Variants in DST observed in about 807,000 individuals in gnomAD.
DST encodes the protein bullous pemphigoid antigen.
DST carries 253 observed loss-of-function variants against 875.2 expected under a neutral mutation model. The ratio of observed to expected loss-of-function variants is 0.29; its 90% CI spans 0.26 to 0.32. The LOEUF is 0.32. DST is among the 10% of genes least tolerant of loss of function. The pLI is 1.00. For missense variants in DST, 8,287 were observed against 9,111.6 expected, an observed-to-expected ratio of 0.91 and a Z score of 3.68; for synonymous variants, 3,124 against 3,197.1, an observed-to-expected ratio of 0.98 and a Z score of 0.77.
intron 4 of DST, among the ~76,000 whole-genome samples, chr6:56,778,456 A>G (rs2099684298): frequency 6.7e-6 from 1 of 150,142 alleles, no homozygotes; most frequent in African/African-American, 2.5e-5. Flanking sequence ...ATATGTATAC[A>G]TATGCCATGT....
chr6:56,835,420 G>A (rs940880526), intron 4 of DST, among the ~76,000 whole-genome samples: 1 of 152,150 alleles, frequency 6.6e-6, no homozygotes, highest in Non-Finnish European at 1.5e-5. Context: ...CACCAGTACC[G>A]ATATAAATAT....
Position 56,606,996 on chromosome 6 carries a change from C to A in DST, c.7632G>T (p.Met2544Ile). ...DEKTHPGFQQ[M>I]PEDKEDESEI... Reference sequence around the variant, plus strand: ...CAGACTCATCTTCCTTGTCTTCAGGCATCTGCTGAAAACCTGGATGTGTTT... The same window carrying A: ...CAGACTCATCTTCCTTGTCTTCAGGAATCTGCTGAAAACCTGGATGTGTTT... Residue 2544 changes from methionine to isoleucine, a missense_variant, in exon 40 of 104, where the codon ATG (methionine) becomes ATT (isoleucine). Met to Ile is a conservative substitution (Grantham distance 10). Coordinates refer to ENST00000680361, the MANE Select transcript of DST (RefSeq NM_001374736.1). 6.2e-7 allele frequency: 1 copy of A among 1,613,468 alleles called. No individual in the cohort carries two copies. Among genetic ancestry groups the A allele is most frequent in the Non-Finnish European group, 8.5e-7 (1 of 1,179,586 alleles).
chr6:56,786,165 G>A (rs939024930), intron 4 of DST, among the ~76,000 whole-genome samples: 2 of 152,068 alleles, frequency 1.3e-5, no homozygotes, highest in Non-Finnish European at 2.9e-5. Flanking sequence ...TTGGGGGGGA[G>A]GGGTTGAAGA....
At chr6:56,910,480 A>G (rs544014692) in intron 2 of DST, among the ~76,000 whole-genome samples, 1 of 149,794 alleles carries the variant, frequency 6.7e-6, no homozygotes, top group East Asian at 2.0e-4. Flanking sequence ...ATTTTATTTT[A>G]TTTTATTTTA....
chr6:56,616,126 A>G lies in DST; in HGVS notation c.4930-1642T>C, dbSNP rs1586721865. Reference sequence around the variant, plus strand: ...TAGCAGTCAGCCAATACCCTGCAACAGGACTGTGCAAATCTTTCTTGGGGA... The same window carrying G: ...TAGCAGTCAGCCAATACCCTGCAACGGGACTGTGCAAATCTTTCTTGGGGA... On this transcript the variant is annotated intron_variant, in intron 36 of 103. Coordinates refer to ENST00000680361, the MANE Select transcript of DST (RefSeq NM_001374736.1). 6.2e-7 allele frequency: 1 copy of G among 1,614,098 alleles called. No individual in the cohort carries two copies. The highest frequency in any genetic ancestry group is 1.3e-5 in the African/African-American group (1 of 74,942).
intron 9 of DST, among the ~76,000 whole-genome samples, chr6:56,679,013 G>A (rs981457875): frequency 6.6e-6 from 1 of 152,144 alleles, no homozygotes; most frequent in Non-Finnish European, 1.5e-5. Context: ...TCCCATGTAT[G>A]TATGAAACAT....
intron 50 of DST, among the ~76,000 whole-genome samples, chr6:56,575,575 A>G (rs765211216): frequency 1.3e-5 from 2 of 152,156 alleles, no homozygotes; most frequent in Non-Finnish European, 2.9e-5. Context: ...TTAGTTTGCT[A>G]TAGACTAAAT....
At chr6:56,520,457 T>C (rs138587266) in intron 69 of DST, among the ~76,000 whole-genome samples, 1 of 151,970 alleles carries the variant, frequency 6.6e-6, no homozygotes, top group Non-Finnish European at 1.5e-5. Context: ...ATTCTTGTGG[T>C]GAGGGGAATA....
chr6:56,474,764 C>T (rs2095081379), intron 92 of DST, among the ~76,000 whole-genome samples: 1 of 151,714 alleles, frequency 6.6e-6, no homozygotes, highest in Non-Finnish European at 1.5e-5. Flanking sequence ...TTTAAGATGG[C>T]TTTGATTAGG....
chr6:56,696,362 A>C (rs1213874584), intron 9 of DST, among the ~76,000 whole-genome samples: 1 of 152,050 alleles, frequency 6.6e-6, no homozygotes, highest in Non-Finnish European at 1.5e-5. Flanking sequence ...AGGTTTCTCC[A>C]TGTTGGTCAG....
intron 4 of DST, among the ~76,000 whole-genome samples, chr6:56,834,071 T>C (rs1239642668): frequency 6.6e-6 from 1 of 151,912 alleles, no homozygotes; most frequent in Admixed American, 6.6e-5. Flanking sequence ...CTATATAACA[T>C]AAAAATATTA....
At chr6:56,664,763 C>A (rs1231126824) in intron 10 of DST, among the ~76,000 whole-genome samples, 1 of 151,940 alleles carries the variant, frequency 6.6e-6, no homozygotes, top group East Asian at 1.9e-4. Flanking sequence ...TGGTTTTTAG[C>A]AATAAGGTTG....
intron 36 of DST, chr6:56,616,858 T>TTCGGGGTCAAC: frequency 6.2e-7 from 1 of 1,614,142 alleles, no homozygotes; most frequent in Non-Finnish European, 8.5e-7. Context: ...TAATTCTGAA[T>TTCGGGGTCAAC]TCGGGGTCAA....
At position 56,701,985 on chromosome 6, in the gene DST, G is replaced by A. The variant is rs780841265; in HGVS notation, c.877-20C>T. 15 of 1,526,088 alleles carry A rather than the reference G, an allele frequency of 9.8e-6. No homozygotes were observed. Among genetic ancestry groups the A allele is most frequent in the Non-Finnish European group, 1.3e-5 (14 of 1,104,490 alleles). 94.5% of individuals were successfully genotyped at this position (1,526,088 alleles called of 1,614,324 possible). A position where few individuals can be genotyped will look rare whatever the true frequency, so the allele number is the denominator to read the frequency against. On this transcript the variant is annotated intron_variant, in intron 7 of 103. Transcript: ENST00000680361. Reference sequence around the variant, plus strand: ...TCTGGGCTAAGAACAGAAAAATGCAGGTATGAAAAAGAGTTTCTGTTATCA... The same window carrying A: ...TCTGGGCTAAGAACAGAAAAATGCAAGTATGAAAAAGAGTTTCTGTTATCA...
At chr6:56,843,185 T>C in intron 4 of DST, 3 of 1,511,352 alleles carry the variant, frequency 2.0e-6, no homozygotes, top group Non-Finnish European at 1.8e-6. Flanking sequence ...AATTCCCCTC[T>C]CCCCCTCGTA....
chr6:56,560,540 G>T, intron 57 of DST, 117 bp from the exon 58 acceptor site: 2 of 1,104,036 alleles, frequency 1.8e-6, no homozygotes, highest in Non-Finnish European at 2.5e-6. Context: ...ACTGTTAAAT[G>T]TTGTGGTGGG....
At chr6:56,473,360 C>A (rs1400632929) in intron 93 of DST, among the ~76,000 whole-genome samples, 1 of 152,144 alleles carries the variant, frequency 6.6e-6, no homozygotes, top group Non-Finnish European at 1.5e-5. Context: ...CTTTTTAAAT[C>A]TTCTCCAAGC....
chr6:56,943,380 TA>T lies in DST; in HGVS notation c.216+10404del, dbSNP rs35607710. On this transcript the variant is annotated intron_variant, in intron 2 of 103. Coordinates refer to ENST00000680361, the MANE Select transcript of DST (RefSeq NM_001374736.1). Reference sequence around the variant, plus strand: ...CTCAAAGGATGAAAGTCCTTTAAATTAAAAAAAAAAAAGTCAGGGATATTTT... The same window carrying T: ...CTCAAAGGATGAAAGTCCTTTAAATTAAAAAAAAAAAGTCAGGGATATTTT... Among the ~76,000 whole-genome samples, 735 of 143,064 alleles carry T rather than the reference TA, an allele frequency of 5.1e-3. 3 individuals are homozygous for T. The highest frequency in any genetic ancestry group is 0.01 in the African/African-American group (409 of 39,336). The allele number at this position is 143,064 out of a possible 152,430, so 93.9% of individuals were successfully genotyped here. A position where few individuals can be genotyped will look rare whatever the true frequency, so the allele number is the denominator to read the frequency against.
chr6:56,616,117 C>T (rs768775070), intron 36 of DST: 9 of 1,614,186 alleles, frequency 5.6e-6, no homozygotes, highest in South Asian at 3.3e-5. Context: ...TCAGCCAATA[C>T]CCTGCAACAG....
Sources: gnomAD v4.1 joint callset for allele counts (sites outside exome capture counted in the v4.1 genomes callset) on GRCh38, gnomAD v4.1.1 for gene constraint, MANE v1.5 for transcripts, NCBI Gene and HGNC (gene_info 2026-07-23, HGNC 2026-07-21) for gene names.